SGCZ: variants seen among roughly 807,000 people sequenced by gnomAD.
The protein encoded by SGCZ is zeta-sarcoglycan.
A neutral mutation model predicts 41.3 loss-of-function variants in SGCZ; 40 were observed. That is an observed-to-expected ratio of 0.97 (90% CI 0.75 to 1.26). The LOEUF (loss-of-function observed/expected upper bound fraction) is 1.26, where lower values mean the gene tolerates loss of function less well. SGCZ is among the 50% of genes most tolerant of loss of function. The pLI is 0.00. For synonymous variants in SGCZ, 206 were observed against 137.5 expected, an observed-to-expected ratio of 1.50 and a Z score of -3.49; for missense variants, 552 against 369.8, an observed-to-expected ratio of 1.49 and a Z score of -4.04.
intron 4 of SGCZ, among the ~76,000 whole-genome samples, chr8:14,233,599 TA>T (rs1323066836): frequency 1.5e-5 from 2 of 134,812 alleles, no homozygotes; most frequent in African/African-American, 5.0e-5. Flanking sequence ...AAAATATAGA[TA>T]TATATATATA....
intron 1 of SGCZ, among the ~76,000 whole-genome samples, chr8:15,138,156 AC>A: frequency 6.6e-6 from 1 of 152,294 alleles, no homozygotes; most frequent in African/African-American, 2.4e-5. Context: ...TGGATTTTGG[AC>A]TTGCACGCAG....
chr8:15,211,705 G>T (rs62502011), intron 1 of SGCZ, among the ~76,000 whole-genome samples: 2 of 152,054 alleles, frequency 1.3e-5, no homozygotes, highest in South Asian at 2.1e-4. Flanking sequence ...AATGGGACTG[G>T]TTCTAGTAAT....
intron 1 of SGCZ, among the ~76,000 whole-genome samples, chr8:14,613,407 A>AAT (rs1805992810): frequency 6.6e-6 from 1 of 152,290 alleles, no homozygotes; most frequent in South Asian, 2.1e-4. Context: ...ACCCTAGTAT[A>AAT]ATATTGTCTC....
At chr8:14,551,580 A>ATT (rs1803859522) in intron 2 of SGCZ, among the ~76,000 whole-genome samples, 1 of 24,556 alleles carries the variant, frequency 4.1e-5, no homozygotes, top group Non-Finnish European at 6.4e-5. Context: ...ATATATATAT[A>ATT]ATATATATAA....
chr8:14,149,427 A>G (rs961887998), intron 5 of SGCZ, among the ~76,000 whole-genome samples: 1 of 152,136 alleles, frequency 6.6e-6, no homozygotes, highest in African/African-American at 2.4e-5. Context: ...CATTTACAAT[A>G]GCACACATAA....
At position 14,784,913 on chromosome 8, in the gene SGCZ, A is replaced by AAAAAAAATATATAT. The variant is rs1408574493; in HGVS notation, c.40-229988_40-229987insATATATATTTTTTT. On this transcript the variant is annotated intron_variant, in intron 1 of 7. Coordinates refer to ENST00000382080, the MANE Select transcript of SGCZ (RefSeq NM_139167.4). Reference sequence around the variant, plus strand: ...GTGAAACTCTGCCTCAAAAAAAAAAAATATATATATATATATATATAAAAT... The same window carrying AAAAAAAATATATAT: ...GTGAAACTCTGCCTCAAAAAAAAAAAAAAAAAATATATATATATATATATATATATATATAAAAT... Among the ~76,000 whole-genome samples the AAAAAAAATATATAT allele has an allele frequency of 1.9e-4, 17 of 88,018 alleles. 1 individual carries two copies. The highest frequency in any genetic ancestry group is 7.5e-4 in the African/African-American group (16 of 21,350). 57.7% of individuals were successfully genotyped at this position (88,018 alleles called of 152,430 possible).
chr8:14,680,199 G>A (rs372325060), intron 1 of SGCZ, among the ~76,000 whole-genome samples: 1 of 152,048 alleles, frequency 6.6e-6, no homozygotes, highest in African/African-American at 2.4e-5. Context: ...TGAAGTGGAG[G>A]GGGTAGAGAT....
At chr8:14,146,727 C>G (rs980677796) in intron 5 of SGCZ, among the ~76,000 whole-genome samples, 1 of 150,024 alleles carries the variant, frequency 6.7e-6, no homozygotes, top group Non-Finnish European at 1.5e-5. Flanking sequence ...AAAAAATTAG[C>G]CGGGCGTAGT....
chr8:15,009,205 A>T (rs1339566660), intron 1 of SGCZ, among the ~76,000 whole-genome samples: 1 of 152,242 alleles, frequency 6.6e-6, no homozygotes, highest in Admixed American at 6.5e-5. Context: ...GGGGAGCCTC[A>T]GGAAATTTAA....
At chr8:14,348,785 T>G (rs7831905) in intron 2 of SGCZ, among the ~76,000 whole-genome samples, 4,148 of 152,224 alleles carry the variant, frequency 0.027, 158 homozygotes, top group African/African-American at 0.093. Context: ...CATTCAGCAT[T>G]TACAAAAGGT....
chr8:14,959,415 C>T (rs951884320), intron 1 of SGCZ, among the ~76,000 whole-genome samples: 2 of 152,048 alleles, frequency 1.3e-5, no homozygotes, highest in South Asian at 2.1e-4. Context: ...CCATGGATAT[C>T]GTACATAGAG....
chr8:15,179,007 C>A (rs555229744), intron 1 of SGCZ, among the ~76,000 whole-genome samples: 1 of 152,130 alleles, frequency 6.6e-6, no homozygotes, highest in Non-Finnish European at 1.5e-5. Context: ...AGACTTTCCT[C>A]AAGCTGTTAC....
At chr8:14,254,896 A>G (rs1389991524) in intron 3 of SGCZ, among the ~76,000 whole-genome samples, 2 of 152,170 alleles carry the variant, frequency 1.3e-5, no homozygotes, top group Admixed American at 1.3e-4. Context: ...TTCACAATTC[A>G]GTGACTATGA....
chr8:14,706,330 T>G (rs1047332155), intron 1 of SGCZ, among the ~76,000 whole-genome samples: 5 of 141,020 alleles, frequency 3.5e-5, no homozygotes, highest in African/African-American at 6.4e-5. Context: ...TTTTTGACAA[T>G]TGTGTTTTAT....
chr8:14,705,374 TCTATGTGA>T (rs531398762), intron 1 of SGCZ, among the ~76,000 whole-genome samples: 190 of 152,150 alleles, frequency 1.2e-3, no homozygotes, highest in Non-Finnish European at 1.5e-3. Flanking sequence ...ACATGGACTA[TCTATGTGA>T]CTATGTGACT....
At chr8:14,096,632 G>T (rs567000286) in intron 7 of SGCZ, among the ~76,000 whole-genome samples, 39 of 152,286 alleles carry the variant, frequency 2.6e-4, no homozygotes, top group Admixed American at 2.1e-3. Flanking sequence ...GTGAGTTAGG[G>T]AGGATTCCCT....
At chr8:14,166,613 T>C (rs1804219344) in intron 4 of SGCZ, among the ~76,000 whole-genome samples, 1 of 152,158 alleles carries the variant, frequency 6.6e-6, no homozygotes, top group Admixed American at 6.6e-5. Flanking sequence ...CATAATTGAT[T>C]CTCAAAATAT....
chr8:14,414,196 A>G (rs1799434870), intron 2 of SGCZ, among the ~76,000 whole-genome samples: 1 of 151,980 alleles, frequency 6.6e-6, no homozygotes, highest in Admixed American at 6.6e-5. Context: ...ACTCGCGCAC[A>G]CACACACACA....
chr8:14,383,484 C>A (rs1804446409), intron 2 of SGCZ, among the ~76,000 whole-genome samples: 1 of 152,182 alleles, frequency 6.6e-6, no homozygotes, highest in Admixed American at 6.5e-5. Flanking sequence ...AAGTGTCCCA[C>A]TCTGGATAGC....
Sources: allele counts gnomAD v4.1 joint callset (sites outside exome capture counted in the v4.1 genomes callset), GRCh38; gene constraint gnomAD v4.1.1; transcripts MANE v1.5; gene names NCBI Gene and HGNC (gene_info 2026-07-23, HGNC 2026-07-21).